Variants in PACS1 observed in about 807,000 individuals in gnomAD.
PACS1 encodes PACS-1.
Under a neutral mutation model 115.0 loss-of-function variants are expected in PACS1, and 24 were observed. The ratio of observed to expected loss-of-function variants is 0.21; its 90% CI spans 0.15 to 0.29. The LOEUF is 0.29. PACS1 is among the 10% of genes least tolerant of loss of function. PACS1 has a pLI of 1.00. For synonymous variants in PACS1, 453 were observed against 504.5 expected (o/e 0.90, Z 1.37); for missense variants, 838 against 1,251.2 (o/e 0.67, Z 4.98).
rs1855654665 is a variant in PACS1 at position 66,233,976 on chromosome 11, A to G, written c.1993+37A>G. 4 of 1,568,120 alleles carry G rather than the reference A, an allele frequency of 2.6e-6. No individual in the cohort carries two copies. The highest frequency in any genetic ancestry group is 1.3e-5 in the African/African-American group (1 of 74,148). The stretch of plus-strand genomic sequence containing the variant: ...AGGCACCAGGAGGGCGTCGGGCATG[A>G]GGGTTCCATAGACAGATGCCTCATC... On this transcript the variant is annotated intron_variant, in intron 16 of 23. Coordinates refer to ENST00000320580, the MANE Select transcript of PACS1 (RefSeq NM_018026.4). This position sits in a 1 kb window ranked among gnomAD's most constrained non-coding sequence, Gnocchi z 4.5.
intron 1 of PACS1, among the ~76,000 whole-genome samples, chr11:66,086,134 CTTTTT>C (rs1196106929): frequency 4.1e-5 from 5 of 122,814 alleles, no homozygotes; most frequent in Non-Finnish European, 8.6e-5. Context: ...CTTATGATTT[CTTTTT>C]TTTTTTTTTT....
intron 1 of PACS1, among the ~76,000 whole-genome samples, chr11:66,111,829 A>C (rs551187748): frequency 1.3e-5 from 2 of 152,138 alleles, no homozygotes; most frequent in African/African-American, 4.8e-5. Context: ...TTTGTATTAT[A>C]GAGATGGGGT....
chr11:66,131,111 C>T (rs1858691349), intron 1 of PACS1, among the ~76,000 whole-genome samples: 3 of 152,032 alleles, frequency 2.0e-5, no homozygotes, highest in South Asian at 4.2e-4. Flanking sequence ...TAAGAAGATC[C>T]TCATATATGT....
chr11:66,150,943 A>G (rs1212115406), intron 1 of PACS1, among the ~76,000 whole-genome samples: 1 of 152,118 alleles, frequency 6.6e-6, no homozygotes, highest in Non-Finnish European at 1.5e-5. Flanking sequence ...AGTAGAAAGA[A>G]ATGATAGTGG....
At position 66,235,835 on chromosome 11, in the gene PACS1, A is replaced by G; in HGVS notation, c.2208-63A>G. Reference sequence around the variant, plus strand: ...AGCCACAGTGAGATAGGAAAGGCCAATTCCCCAGCACTCCTCCCTGTCTCT... The same window carrying G: ...AGCCACAGTGAGATAGGAAAGGCCAGTTCCCCAGCACTCCTCCCTGTCTCT... On this transcript the variant is annotated intron_variant, in intron 18 of 23. Transcript: ENST00000320580. The surrounding 1 kb of genome is among the most constrained non-coding windows in gnomAD (Gnocchi z 5.6). 4 of 1,414,982 alleles carry G rather than the reference A, an allele frequency of 2.8e-6. No homozygotes were observed. The highest frequency in any genetic ancestry group is 1.4e-5 in the African/African-American group (1 of 69,580). 87.7% of individuals were successfully genotyped at this position (1,414,982 alleles called of 1,614,324 possible). A position where few individuals can be genotyped will look rare whatever the true frequency, so the allele number is the denominator to read the frequency against.
In PACS1 at chr11:66,194,947, G is replaced by A. The variant is rs1020813833; in HGVS notation, c.444+1374G>A. Among the ~76,000 whole-genome samples, 8 of 152,270 alleles carry A rather than the reference G, an allele frequency of 5.3e-5. No individual in the cohort carries two copies. The South Asian group carries it at 6.2e-4, about 12-fold the overall frequency. On this transcript the variant is annotated intron_variant, in intron 2 of 23. Coordinates refer to ENST00000320580, the MANE Select transcript of PACS1 (RefSeq NM_018026.4). ...TTCTCAAAACTTAAAATGTTGGGCC[G>A]GGCACTGTGGCTCACACCTGTAATC...
intron 1 of PACS1, among the ~76,000 whole-genome samples, chr11:66,137,024 C>T (rs977766952): frequency 1.2e-5 from 1 of 86,092 alleles, no homozygotes; most frequent in Non-Finnish European, 2.4e-5. Context: ...CACAAATTGC[C>T]CCCCCCCCCA....
At chr11:66,186,762 T>A (rs557586180) in intron 1 of PACS1, among the ~76,000 whole-genome samples, 1 of 151,868 alleles carries the variant, frequency 6.6e-6, no homozygotes, top group East Asian at 1.9e-4. Flanking sequence ...CATTCAGGCA[T>A]TTTTTTTGTT....
chr11:66,079,303 G>GT (rs10692760), intron 1 of PACS1, among the ~76,000 whole-genome samples: 9,386 of 110,272 alleles, frequency 0.085, 774 homozygotes, highest in African/African-American at 0.21. Context: ...TTTGTAGCAG[G>GT]TTTTTTTTTT....
Position 66,239,221 on chromosome 11 carries a change from C to T in PACS1, c.2373C>T (p.Asp791=), listed in dbSNP as rs759838002. 1.5e-5 allele frequency: 24 copies of T among 1,613,864 alleles called. No individual in the cohort carries two copies. Among genetic ancestry groups the T allele is most frequent in the Middle Eastern group, 1.6e-4 (1 of 6,082 alleles). Residue 791 remains aspartate, a synonymous_variant, in exon 21 of 24, where the codon GAC becomes GAT. Coordinates refer to ENST00000320580, the MANE Select transcript of PACS1 (RefSeq NM_018026.4). ...SPPSSSGLSR[D]ATATPPSSPS... ...CCTCCAGCTCGGGCCTGAGCCGAGACGCCACGGCCACCCCTCCCTCCTCCC... is the reference window on the plus strand; with the variant it reads ...CCTCCAGCTCGGGCCTGAGCCGAGATGCCACGGCCACCCCTCCCTCCTCCC...
intron 1 of PACS1, among the ~76,000 whole-genome samples, chr11:66,097,749 T>A (rs1369670765): frequency 6.6e-6 from 1 of 152,260 alleles, no homozygotes; most frequent in Admixed American, 6.5e-5. Context: ...TCTTTTAGAT[T>A]TTAGCCATGT....
chr11:66,146,048 C>G (rs907741927), intron 1 of PACS1, among the ~76,000 whole-genome samples: 1 of 151,990 alleles, frequency 6.6e-6, no homozygotes, highest in Non-Finnish European at 1.5e-5. Context: ...TCTAAAACAT[C>G]TAGTTTTTTA....
intron 2 of PACS1, among the ~76,000 whole-genome samples, chr11:66,196,348 G>A (rs1217415209): frequency 6.6e-6 from 1 of 152,236 alleles, no homozygotes; most frequent in Non-Finnish European, 1.5e-5. Context: ...GAGATGGGAC[G>A]TGTACACTGA....
chr11:66,098,632 C>T (rs1295303784), intron 1 of PACS1, among the ~76,000 whole-genome samples: 1 of 152,198 alleles, frequency 6.6e-6, no homozygotes, highest in Non-Finnish European at 1.5e-5. Context: ...TGACCCCATT[C>T]ACAGTTTGCT....
At chr11:66,227,346 T>G (rs909351283) in intron 10 of PACS1, among the ~76,000 whole-genome samples, 158 bp from the exon 11 acceptor site, 2 of 152,114 alleles carry the variant, frequency 1.3e-5, no homozygotes, top group African/African-American at 4.8e-5. Flanking sequence ...TTCACAGAAA[T>G]GTACCCGCCT....
chr11:66,130,975 G>C (rs1858687653), intron 1 of PACS1, among the ~76,000 whole-genome samples: 1 of 152,130 alleles, frequency 6.6e-6, no homozygotes, highest in Non-Finnish European at 1.5e-5. Flanking sequence ...AGAGACTGGG[G>C]TGGGAGGATC....
At chr11:66,127,054 G>C (rs895449590) in intron 1 of PACS1, among the ~76,000 whole-genome samples, 1 of 151,842 alleles carries the variant, frequency 6.6e-6, no homozygotes, top group Non-Finnish European at 1.5e-5. Context: ...CCCATCCCAA[G>C]CTCATCATGG....
chr11:66,134,471 C>G (rs1858792339), intron 1 of PACS1, among the ~76,000 whole-genome samples: 1 of 151,786 alleles, frequency 6.6e-6, no homozygotes, highest in Non-Finnish European at 1.5e-5. Context: ...GCCCTCCCTA[C>G]TTCTAGGATC....
intron 7 of PACS1, chr11:66,219,496 G>A (rs1381546303): frequency 4.7e-6 from 3 of 634,954 alleles, no homozygotes; most frequent in South Asian, 3.1e-5. Flanking sequence ...GAGGTGTTGG[G>A]GCACAGGGGG....
Sources: gnomAD v4.1 joint callset for allele counts (sites outside exome capture counted in the v4.1 genomes callset) on GRCh38, gnomAD v4.1.1 for gene constraint, Gnocchi (gnomAD v3.1) non-coding constraint, MANE v1.5 for transcripts, NCBI Gene and HGNC (gene_info 2026-07-23, HGNC 2026-07-21) for gene names.